EHD3: variants seen among roughly 807,000 people sequenced by gnomAD.
EHD3 encodes the protein EH domain-containing protein 3.
Under a neutral mutation model 43.0 loss-of-function variants are expected in EHD3, and 17 were observed. The observed-to-expected ratio is 0.40, with a 90% CI of 0.27 to 0.59. The LOEUF (loss-of-function observed/expected upper bound fraction) is 0.59. Among genes scored for constraint, EHD3 ranks in the 20% least tolerant of loss-of-function variants. The pLI is 0.49. For missense variants in EHD3, 594 were observed against 705.6 expected (o/e 0.84, Z 1.79); for synonymous variants, 313 against 289.5 (o/e 1.08, Z -0.82).
chr2:31,256,302 C>G (rs1271746599), intron 3 of EHD3, among the ~76,000 whole-genome samples: 1 of 152,230 alleles, frequency 6.6e-6, no homozygotes, highest in East Asian at 1.9e-4. Context: ...CACCTGCATC[C>G]TCTGATTTGT....
chr2:31,245,735 GTTTTTTTTTTTTTTTT>G (rs765195110), intron 2 of EHD3, among the ~76,000 whole-genome samples: 2 of 68,318 alleles, frequency 2.9e-5, no homozygotes, highest in African/African-American at 1.2e-4. Flanking sequence ...CTAATTTTGT[GTTTTTTTTTTTTTTTT>G]TTTTTTTTTA....
intron 1 of EHD3, among the ~76,000 whole-genome samples, chr2:31,238,516 A>G (rs1255624614): frequency 6.6e-6 from 1 of 152,250 alleles, no homozygotes; most frequent in Non-Finnish European, 1.5e-5. Flanking sequence ...CCGGCAACAC[A>G]GAGTAATAAA....
chr2:31,260,088 C>T lies in EHD3; in HGVS notation c.503-422C>T, dbSNP rs756022243. 6.6e-6 allele frequency among the ~76,000 whole-genome samples: 1 copy of T among 152,086 alleles called. No homozygotes were observed. The highest frequency in any genetic ancestry group is 1.5e-5 in the Non-Finnish European group (1 of 68,024). On this transcript the variant is annotated intron_variant, in intron 3 of 5. Transcript: ENST00000322054. The surrounding 1 kb of genome is among the most constrained non-coding windows in gnomAD (Gnocchi z 4.6). ...TGGTGGCGCATGCCTGTAATCCCAG[C>T]TACTCGGGAGGCTGAGGCAGGAAAA...
intron 1 of EHD3, 117 bp from the exon 2 acceptor site, chr2:31,244,157 C>T: frequency 1.1e-6 from 1 of 936,572 alleles, no homozygotes; most frequent in Non-Finnish European, 1.5e-6. Context: ...GCCATGAGAT[C>T]TTGCTGCGGT....
intron 1 of EHD3, among the ~76,000 whole-genome samples, chr2:31,242,953 T>G (rs578173758): frequency 2.9e-4 from 43 of 148,746 alleles, no homozygotes; most frequent in African/African-American, 9.2e-4. Flanking sequence ...AGAGTGAAAC[T>G]CCGTCTCAAA....
chr2:31,262,227 C>T (rs773430332), intron 5 of EHD3, among the ~76,000 whole-genome samples: 40 of 152,204 alleles, frequency 2.6e-4, no homozygotes, highest in East Asian at 5.8e-4. Flanking sequence ...TGGTTTCTTA[C>T]GGTTTTCCCC....
rs138864640 is a variant in EHD3 at position 31,249,434 on chromosome 2, G to A, written c.468G>A (p.Gly156=). 2 of 1,614,156 alleles carry A rather than the reference G, an allele frequency of 1.2e-6. No homozygotes were observed. Among genetic ancestry groups the A allele is most frequent in the East Asian group, 2.2e-5 (1 of 44,870 alleles). The change falls in exon 3 of 6, where the codon GGG becomes GGA. Residue 156 remains glycine, a synonymous_variant. Transcript: ENST00000322054. ...LESISVIDTP[G]ILSGEKQRIS... is the part of the protein sequence containing the mutation. ...GCATCAGCGTCATCGACACACCAGGGATCCTCTCTGGGGAGAAGCAGAGGA... is the reference window on the plus strand; with the variant it reads ...GCATCAGCGTCATCGACACACCAGGAATCCTCTCTGGGGAGAAGCAGAGGA...
rs541802949 is a variant in EHD3, at chr2:31,266,587, C to T, written c.1491C>T (p.Asp497=). Residue 497 remains aspartate, a synonymous_variant, in exon 6 of 6, where the codon GAC becomes GAT. Coordinates refer to ENST00000322054, the MANE Select transcript of EHD3 (RefSeq NM_014600.3). This position sits in a 1 kb window ranked among gnomAD's most constrained non-coding sequence, Gnocchi z 5.1. The stretch of plus-strand genomic sequence containing the variant: ...ACATTGACAAGGATGGCATGCTGGA[C>T]GACGACGAGTTTGCACTGGCCAACC... ...LADIDKDGML[D]DDEFALANHL... 30 of 1,614,148 alleles carry T rather than the reference C, an allele frequency of 1.9e-5. No homozygotes were observed. The East Asian group carries it at 2.5e-4, about 13-fold the overall frequency.
At chr2:31,240,468 T>C (rs933428926) in intron 1 of EHD3, among the ~76,000 whole-genome samples, 1 of 152,202 alleles carries the variant, frequency 6.6e-6, no homozygotes, top group Non-Finnish European at 1.5e-5. Context: ...TACCCAAATG[T>C]CCCTGAGAAT....
Position 31,266,897 on chromosome 2 carries a change from G to A in EHD3, c.*193G>A, listed in dbSNP as rs1057314080. ...GATACTTGTTTGGGCACACCTCCAAGTTCTCGGGATTAGAAGGACAAGAGC... is the reference window on the plus strand; with the variant it reads ...GATACTTGTTTGGGCACACCTCCAAATTCTCGGGATTAGAAGGACAAGAGC... On this transcript the variant is annotated 3_prime_UTR_variant, in exon 6 of 6. Coordinates refer to ENST00000322054, the MANE Select transcript of EHD3 (RefSeq NM_014600.3). This position sits in a 1 kb window ranked among gnomAD's most constrained non-coding sequence, Gnocchi z 5.1. 1 of 689,234 alleles carries A rather than the reference G, an allele frequency of 1.5e-6. No individual in the cohort carries two copies. The highest frequency in any genetic ancestry group is 1.8e-5 in the African/African-American group (1 of 55,536). 42.7% of individuals were successfully genotyped at this position (689,234 alleles called of 1,614,324 possible). A position where few individuals can be genotyped will look rare whatever the true frequency, so the allele number is the denominator to read the frequency against.
intron 2 of EHD3, among the ~76,000 whole-genome samples, chr2:31,245,202 T>C (rs1049412366): frequency 6.6e-6 from 1 of 152,224 alleles, no homozygotes; most frequent in Non-Finnish European, 1.5e-5. Context: ...GTAATGAATA[T>C]GGGCTTTGCC....
In EHD3 at chr2:31,258,084, A is replaced by G. The variant is rs566146596; in HGVS notation, c.503-2426A>G. Among the ~76,000 whole-genome samples the G allele has an allele frequency of 2.0e-5, 3 of 152,310 alleles. No individual in the cohort carries two copies. The South Asian group carries it at 6.2e-4, about 32-fold the overall frequency. ...AAGGCTCAGGTGTTAGTTGAGCTGT[A>G]TATTCATTGAGCAGCTGACAGATCT... On this transcript the variant is annotated intron_variant, in intron 3 of 5. Transcript: ENST00000322054.
chr2:31,236,952 C>T (rs142409231), intron 1 of EHD3, among the ~76,000 whole-genome samples: 187 of 152,308 alleles, frequency 1.2e-3, no homozygotes, highest in Non-Finnish European at 2.1e-3. Context: ...ACAGATGATT[C>T]CTCATCTGAG....
At position 31,266,297 on chromosome 2, in the gene EHD3, GA is replaced by G; in HGVS notation, c.1202del (p.Glu401GlyfsTer9). 1 of 1,614,212 alleles carries G rather than the reference GA, an allele frequency of 6.2e-7. No homozygotes were observed. Among genetic ancestry groups the G allele is most frequent in the Non-Finnish European group, 8.5e-7 (1 of 1,180,046 alleles). Reference protein sequence around the residue: ...AQLMVLVRQEESQRPIQMVKG... With the variant: ...AQLMVLVRQEXSQRPIQMVKG... ...GCTCATGGTGCTAGTGCGCCAGGAG[GA>G]GTCACAGCGGCCCATCCAGATGGTG... On this transcript the variant is annotated frameshift_variant, in exon 6 of 6. Transcript: ENST00000322054. LOFTEE classifies it high-confidence loss of function. This position sits in a 1 kb window ranked among gnomAD's most constrained non-coding sequence, Gnocchi z 5.1.
rs1558644851 is a variant in EHD3 at position 31,234,202 on chromosome 2, C to G, written c.-420C>G. 1 of 248,932 alleles carries G rather than the reference C, an allele frequency of 4.0e-6. No homozygotes were observed. Among genetic ancestry groups the G allele is most frequent in the Non-Finnish European group, 7.9e-6 (1 of 127,136 alleles). 15.4% of individuals were successfully genotyped at this position (248,932 alleles called of 1,614,324 possible). A position where few individuals can be genotyped will look rare whatever the true frequency, so the allele number is the denominator to read the frequency against. On this transcript the variant is annotated 5_prime_UTR_variant, in exon 1 of 6. Transcript: ENST00000322054. ...CGGGCTGGGCAGCGTCGCCGTCTCC[C>G]CTGAGCCGCCTCGGTCCGGCAGGAG... is the stretch of plus-strand genomic sequence containing the variant.
At chr2:31,252,251 G>C (rs1427171265) in intron 3 of EHD3, among the ~76,000 whole-genome samples, 1 of 152,162 alleles carries the variant, frequency 6.6e-6, no homozygotes, top group East Asian at 1.9e-4. Flanking sequence ...CATAGCCCTG[G>C]GTCTGGATCA....
intron 3 of EHD3, among the ~76,000 whole-genome samples, chr2:31,252,985 G>A (rs1683666408): frequency 6.6e-6 from 1 of 152,124 alleles, no homozygotes; most frequent in African/African-American, 2.4e-5. Flanking sequence ...GACAGTTGGG[G>A]GAAGGGCGTC....
Position 31,260,841 on chromosome 2 carries a change from A to T in EHD3, c.834A>T (p.Leu278=). Residue 278 remains leucine (L), a synonymous_variant, in exon 4 of 6, where the codon CTA becomes CTT. Coordinates refer to ENST00000322054, the MANE Select transcript of EHD3 (RefSeq NM_014600.3). The surrounding 1 kb of genome is among the most constrained non-coding windows in gnomAD (Gnocchi z 4.6). ...RKLFEAEEQD[L]FRDIQSLPRN... is the part of the protein sequence containing the mutation. ...TCTTTGAGGCTGAGGAACAGGACCTATTCAGGGACATCCAGAGTCTGCCCC... is the reference window on the plus strand; with the variant it reads ...TCTTTGAGGCTGAGGAACAGGACCTTTTCAGGGACATCCAGAGTCTGCCCC... The T allele has an allele frequency of 1.2e-6, 2 of 1,614,170 alleles. No individual in the cohort carries two copies. Among genetic ancestry groups the T allele is most frequent in the Non-Finnish European group, 1.7e-6 (2 of 1,180,026 alleles).
At chr2:31,245,835 C>T (rs1299638931) in intron 2 of EHD3, among the ~76,000 whole-genome samples, 1 of 150,506 alleles carries the variant, frequency 6.6e-6, no homozygotes, top group African/African-American at 2.5e-5. Context: ...CCTGCCTCAG[C>T]CTCCCAAAGT....
Sources: allele counts gnomAD v4.1 joint callset (sites outside exome capture counted in the v4.1 genomes callset), GRCh38; gene constraint gnomAD v4.1.1; non-coding constraint Gnocchi (gnomAD v3.1); transcripts MANE v1.5; gene names NCBI Gene and HGNC (gene_info 2026-07-23, HGNC 2026-07-21).